The following POLA1 variants were observed in gnomAD, a reference collection of about 807,000 sequenced individuals.
POLA1 encodes the protein DNA polymerase alpha 1, catalytic subunit.
In POLA1, 15 loss-of-function variants were observed where a neutral mutation model predicts 124.0. The ratio of observed to expected loss-of-function variants is 0.12; its 90% CI spans 0.08 to 0.19. The LOEUF is 0.19. Ranked by LOEUF, POLA1 falls within the 10% of genes least tolerant of loss-of-function variation. The pLI is 1.00. For synonymous variants in POLA1, 408 were observed against 389.4 expected (o/e 1.05, Z -0.56); for missense variants, 886 against 1,103.4 (o/e 0.80, Z 2.79).
chrX:24,830,590 A>T (rs1337289326), intron 32 of POLA1, among the ~76,000 whole-genome samples: 1 of 111,856 alleles, frequency 8.9e-6, no homozygotes, highest in Non-Finnish European at 1.9e-5. Context: ...TACTCTTCTT[A>T]TACAATAGCC....
At chrX:24,846,715 T>TAAAA (rs1163412992) in intron 34 of POLA1, among the ~76,000 whole-genome samples, 1 of 111,876 alleles carries the variant, frequency 8.9e-6, no homozygotes, top group Non-Finnish European at 1.9e-5. Context: ...GAAGAGGGCT[T>TAAAA]TTTTTAAGCA....
intron 4 of POLA1, among the ~76,000 whole-genome samples, chrX:24,712,137 G>A (rs1929494068): frequency 9.0e-6 from 1 of 111,428 alleles, no homozygotes; most frequent in Non-Finnish European, 1.9e-5. Context: ...CCAGGCAGGA[G>A]TGCAGTGGTG....
At chrX:24,969,361 G>A (rs912317436) in intron 36 of POLA1, among the ~76,000 whole-genome samples, 1 of 111,038 alleles carries the variant, frequency 9.0e-6, no homozygotes, top group African/African-American at 3.3e-5. Context: ...TCTGAAGTCA[G>A]GGATAAGAAA....
chrX:24,789,709 C>T (rs1318126232), intron 26 of POLA1, among the ~76,000 whole-genome samples: 1 of 111,859 alleles, frequency 8.9e-6, no homozygotes, highest in African/African-American at 3.2e-5. Context: ...ATTTAAAGAA[C>T]ATCAGTAATA....
chrX:24,776,577 A>G (rs979125113), intron 26 of POLA1, among the ~76,000 whole-genome samples: 6 of 112,267 alleles, frequency 5.3e-5, no homozygotes, highest in Admixed American at 1.9e-4. Flanking sequence ...ACAGATTTCT[A>G]TTTGCTATTG....
At chrX:24,860,196 C>T (rs1039524775) in intron 34 of POLA1, among the ~76,000 whole-genome samples, 1 of 112,649 alleles carries the variant, frequency 8.9e-6, no homozygotes, top group African/African-American at 3.2e-5. Flanking sequence ...TAATTAAATA[C>T]CCAGAGTACA....
chrX:24,968,937 G>A (rs960214811), intron 36 of POLA1, among the ~76,000 whole-genome samples: 2 of 109,807 alleles, frequency 1.8e-5, no homozygotes, highest in African/African-American at 3.3e-5. Context: ...AGCAGGATGC[G>A]GTGGCTCGCG....
intron 18 of POLA1, among the ~76,000 whole-genome samples, chrX:24,737,205 T>G (rs1255805059): frequency 8.9e-6 from 1 of 112,142 alleles, no homozygotes; most frequent in Non-Finnish European, 1.9e-5. Flanking sequence ...GAAGAAGTCT[T>G]ACATAAACTG....
chrX:24,829,372 T>C (rs1433053761), intron 32 of POLA1, among the ~76,000 whole-genome samples: 1 of 111,636 alleles, frequency 9.0e-6, no homozygotes, highest in Non-Finnish European at 1.9e-5. Flanking sequence ...ATGTGTGAAG[T>C]TGTCATCATT....
intron 23 of POLA1, 113 bp downstream of exon 23, chrX:24,743,442 C>T: frequency 2.7e-6 from 1 of 375,777 alleles, no homozygotes; most frequent in Non-Finnish European, 4.6e-6. Flanking sequence ...GCGAATAGGT[C>T]TCATGACTTT....
chrX:24,958,992 C>T (rs369532483), intron 36 of POLA1, among the ~76,000 whole-genome samples: 8 of 111,944 alleles, frequency 7.1e-5, no homozygotes, highest in Middle Eastern at 4.6e-3. Context: ...ATGTCTGTCC[C>T]ATGAACATCT....
At chrX:24,953,282 T>G (rs1228459101) in intron 36 of POLA1, among the ~76,000 whole-genome samples, 1 of 112,322 alleles carries the variant, frequency 8.9e-6, no homozygotes, top group East Asian at 2.8e-4. Flanking sequence ...TCTATTATTG[T>G]TCTATGTTAT....
intron 30 of POLA1, among the ~76,000 whole-genome samples, chrX:24,818,945 G>A (rs1040271745): frequency 1.4e-3 from 156 of 112,037 alleles, no homozygotes; most frequent in African/African-American, 5.0e-3. Context: ...GTTAGAAAAA[G>A]GAGAAGTATT....
At chrX:24,911,038 A>G (rs1227925999) in intron 35 of POLA1, among the ~76,000 whole-genome samples, 1 of 112,445 alleles carries the variant, frequency 8.9e-6, no homozygotes, top group East Asian at 2.8e-4. Context: ...TTCTTGAACC[A>G]TAATGGAATT....
chrX:24,904,350 G>T (rs768553783), intron 35 of POLA1, among the ~76,000 whole-genome samples: 3 of 110,842 alleles, frequency 2.7e-5, no homozygotes, highest in African/African-American at 3.3e-5. Flanking sequence ...GCTACAGACA[G>T]CAAGTTCCAG....
rs1602317960 is a variant in POLA1, at chrX:24,743,220, T to C, written c.2467-10T>C. ...CTGGCTGGTGAAGTTATCTTTCCAT[T>C]TGATATTAGGGAGATGAAGATGAAG... On this transcript the variant is annotated splice_polypyrimidine_tract_variant and intron_variant, in intron 22 of 36. Coordinates refer to ENST00000379068, the MANE Select transcript of POLA1 (RefSeq NM_001330360.2). The C allele has an allele frequency of 1.1e-5, 10 of 896,756 alleles. No individual in the cohort carries two copies. In the East Asian group the frequency reaches 3.3e-4, roughly 29 times the overall value. The allele number at this position is 896,756 out of a possible 1,213,427, so 73.9% of individuals were successfully genotyped here.
Position 24,726,081 on chromosome X carries a change from G to T in POLA1, c.1392+26G>T, listed in dbSNP as rs763022571. ...GTAAGTCAAACAAAGAAAATTACTG[G>T]GTTTTGCTTGAGAATGACATTTTTC... On this transcript the variant is annotated intron_variant, in intron 13 of 36. Coordinates refer to ENST00000379068, the MANE Select transcript of POLA1 (RefSeq NM_001330360.2). 9 of 945,644 alleles carry T rather than the reference G, an allele frequency of 9.5e-6. No homozygotes were observed. The South Asian group carries it at 1.9e-4, about 20-fold the overall frequency. 77.9% of individuals were successfully genotyped at this position (945,644 alleles called of 1,213,427 possible). A position where few individuals can be genotyped will look rare whatever the true frequency, so the allele number is the denominator to read the frequency against.
intron 26 of POLA1, among the ~76,000 whole-genome samples, chrX:24,777,841 CTG>C (rs775757921): frequency 8.9e-6 from 1 of 111,865 alleles, no homozygotes; most frequent in South Asian, 3.7e-4. Flanking sequence ...GCTAAAGAAA[CTG>C]AAAGTGTGGG....
chrX:24,956,773 A>C (rs776422652), intron 36 of POLA1, among the ~76,000 whole-genome samples: 1 of 112,368 alleles, frequency 8.9e-6, no homozygotes, highest in South Asian at 3.7e-4. Context: ...ATAGTTAATA[A>C]AAATTCAAGA....
Sources: gnomAD v4.1 joint callset for allele counts (sites outside exome capture counted in the v4.1 genomes callset) on GRCh38, gnomAD v4.1.1 for gene constraint, MANE v1.5 for transcripts, NCBI Gene and HGNC (gene_info 2026-07-23, HGNC 2026-07-21) for gene names.